AKIRIN2: variants seen among roughly 807,000 people sequenced by gnomAD.
AKIRIN2 encodes the protein akirin-2.
In AKIRIN2, 6 loss-of-function variants were observed where a neutral mutation model predicts 29.3. The ratio of observed to expected loss-of-function variants is 0.20; its 90% CI spans 0.11 to 0.40. AKIRIN2 has a LOEUF of 0.40. AKIRIN2 is among the 10% of genes least tolerant of loss of function. AKIRIN2 has a pLI of 1.00. For synonymous variants in AKIRIN2, 128 were observed against 117.5 expected (o/e 1.09, Z -0.58); for missense variants, 210 against 276.1 (o/e 0.76, Z 1.70).
chr6:87,694,966 C>T (rs1159298457), intron 1 of AKIRIN2, among the ~76,000 whole-genome samples: 1 of 152,166 alleles, frequency 6.6e-6, no homozygotes, highest in Non-Finnish European at 1.5e-5. Context: ...TGCAGGGATT[C>T]CCTGCTTAAT....
At chr6:87,699,973 C>T (rs932281215) in intron 1 of AKIRIN2, among the ~76,000 whole-genome samples, 2 of 152,032 alleles carry the variant, frequency 1.3e-5, no homozygotes, top group African/African-American at 4.8e-5. Context: ...TACCATTTCA[C>T]TAAAAGACAA....
intron 1 of AKIRIN2, among the ~76,000 whole-genome samples, chr6:87,686,381 A>G (rs1171732888): frequency 6.6e-6 from 1 of 152,136 alleles, no homozygotes; most frequent in African/African-American, 2.4e-5. Context: ...CAAGATAAAC[A>G]GCATCAAGAT....
intron 3 of AKIRIN2, among the ~76,000 whole-genome samples, 185 bp from the exon 4 acceptor site, chr6:87,676,116 T>C (rs1385561449): frequency 1.3e-5 from 2 of 152,148 alleles, no homozygotes; most frequent in Non-Finnish European, 2.9e-5. Flanking sequence ...ACCTAGGTTT[T>C]AGTCCAATCA....
At chr6:87,678,740 T>C (rs1771067589) in intron 2 of AKIRIN2, among the ~76,000 whole-genome samples, 1 of 152,170 alleles carries the variant, frequency 6.6e-6, no homozygotes, top group Non-Finnish European at 1.5e-5. Flanking sequence ...AGACACTTAG[T>C]CTTCAAAGCC....
intron 1 of AKIRIN2, among the ~76,000 whole-genome samples, chr6:87,696,257 A>G (rs959295205): frequency 2.0e-5 from 3 of 152,118 alleles, no homozygotes; most frequent in Admixed American, 6.5e-5. Flanking sequence ...GAAGAAATTT[A>G]TATTATTCTC....
chr6:87,693,284 CCT>C (rs1396304947), intron 1 of AKIRIN2, among the ~76,000 whole-genome samples: 3 of 151,718 alleles, frequency 2.0e-5, no homozygotes, highest in Non-Finnish European at 2.9e-5. Context: ...TAATGAGACC[CCT>C]GAAACAGCAA....
At chr6:87,696,699 CAA>C (rs35676911) in intron 1 of AKIRIN2, among the ~76,000 whole-genome samples, 25 of 87,756 alleles carry the variant, frequency 2.8e-4, no homozygotes, top group African/African-American at 5.1e-4. Flanking sequence ...AGACTCCATC[CAA>C]AAAAAAAAAA....
At chr6:87,694,348 G>A (rs1234601765) in intron 1 of AKIRIN2, among the ~76,000 whole-genome samples, 2 of 152,128 alleles carry the variant, frequency 1.3e-5, no homozygotes, top group African/African-American at 4.8e-5. Flanking sequence ...GAATACTAAT[G>A]TGGAAAAATA....
Position 87,701,765 on chromosome 6 carries a change from A to G in AKIRIN2, c.-81T>C, listed in dbSNP as rs1262216318. 2.8e-6 allele frequency: 3 copies of G among 1,066,026 alleles called. No individual in the cohort carries two copies. Among genetic ancestry groups the G allele is most frequent in the Non-Finnish European group, 1.3e-6 (1 of 793,696 alleles). 66.0% of individuals were successfully genotyped at this position (1,066,026 alleles called of 1,614,324 possible). A position where few individuals can be genotyped will look rare whatever the true frequency, so the allele number is the denominator to read the frequency against. On this transcript the variant is annotated 5_prime_UTR_variant, in exon 1 of 5. Transcript: ENST00000257787. ...GAAGAGGGTGAGGGAAGGGGTGAAG[A>G]GCGGGAACTCGAGGAGAGCCTACCC...
At chr6:87,688,842 T>C (rs1279562563) in intron 1 of AKIRIN2, among the ~76,000 whole-genome samples, 2 of 152,146 alleles carry the variant, frequency 1.3e-5, no homozygotes, top group African/African-American at 2.4e-5. Flanking sequence ...ACAGAAACAT[T>C]TGGTTCCAAG....
intron 1 of AKIRIN2, among the ~76,000 whole-genome samples, chr6:87,685,359 G>C (rs760285449): frequency 1.3e-5 from 2 of 152,194 alleles, no homozygotes; most frequent in Middle Eastern, 6.3e-3. Context: ...GCTCGATCTA[G>C]ATACTTGGCT....
chr6:87,688,147 G>T (rs918234333), intron 1 of AKIRIN2, among the ~76,000 whole-genome samples: 1 of 151,656 alleles, frequency 6.6e-6, no homozygotes. Context: ...TTGTTTTTGT[G>T]GGGGGACAGA....
chr6:87,692,103 G>A (rs942188161), intron 1 of AKIRIN2, among the ~76,000 whole-genome samples: 7 of 152,132 alleles, frequency 4.6e-5, no homozygotes, highest in African/African-American at 7.2e-5. Context: ...TTTAATCCTC[G>A]ATGATACTAG....
chr6:87,676,623 A>ACAC (rs1771003136), intron 3 of AKIRIN2, among the ~76,000 whole-genome samples: 2 of 148,090 alleles, frequency 1.4e-5, no homozygotes, highest in African/African-American at 5.0e-5. Context: ...ACACACACAC[A>ACAC]CACAAACATA....
At chr6:87,698,696 G>A (rs2128303135) in intron 1 of AKIRIN2, among the ~76,000 whole-genome samples, 1 of 152,322 alleles carries the variant, frequency 6.6e-6, no homozygotes, top group East Asian at 1.9e-4. Flanking sequence ...AAGGCTCTAA[G>A]CCTTGCGGTT....
At chr6:87,691,170 G>A (rs1363794701) in intron 1 of AKIRIN2, among the ~76,000 whole-genome samples, 1 of 151,938 alleles carries the variant, frequency 6.6e-6, no homozygotes, top group East Asian at 1.9e-4. Context: ...TAGGCTGGGC[G>A]TGGTGGCTCA....
In AKIRIN2 at chr6:87,689,796, G is replaced by A. The variant is rs959464435; in HGVS notation, c.236-8033C>T. Among the ~76,000 whole-genome samples the A allele has an allele frequency of 3.3e-5, 5 of 152,302 alleles. No individual in the cohort carries two copies. In the East Asian group the frequency reaches 9.6e-4, roughly 29 times the overall value. On this transcript the variant is annotated intron_variant, in intron 1 of 4. Transcript: ENST00000257787. ...TGAAGGGTGGAGCTTAAGATTCTAC[G>A]TTCCTTATGAGGTGATGCTGCCGGT...
chr6:87,699,532 AT>A (rs1771424352), intron 1 of AKIRIN2, among the ~76,000 whole-genome samples: 1 of 151,940 alleles, frequency 6.6e-6, no homozygotes, highest in Admixed American at 6.6e-5. Context: ...TCCAAAGTAG[AT>A]GTCAAAAAAA....
chr6:87,681,923 G>A (rs1025305236), intron 1 of AKIRIN2, among the ~76,000 whole-genome samples, 160 bp from the exon 2 acceptor site: 9 of 152,148 alleles, frequency 5.9e-5, no homozygotes, highest in Non-Finnish European at 1.2e-4. Context: ...CAGCATAAAT[G>A]GGGACATTCA....
Sources: gnomAD v4.1 joint callset for allele counts (sites outside exome capture counted in the v4.1 genomes callset) on GRCh38, gnomAD v4.1.1 for gene constraint, MANE v1.5 for transcripts, NCBI Gene and HGNC (gene_info 2026-07-23, HGNC 2026-07-21) for gene names.